Variants in PRDM2 observed in about 807,000 individuals in gnomAD.
PRDM2 encodes PR/SET domain 2.
Under a neutral mutation model 130.0 loss-of-function variants are expected in PRDM2, and 30 were observed. That is an observed-to-expected ratio of 0.23 (90% CI 0.17 to 0.31). The LOEUF (loss-of-function observed/expected upper bound fraction) is 0.31. Among genes scored for constraint, PRDM2 ranks in the 10% least tolerant of loss-of-function variants. The probability of loss-of-function intolerance (pLI) is 1.00; values close to 1 mark genes in which losing one functional copy is unlikely to be tolerated. For synonymous variants in PRDM2, 871 were observed against 782.4 expected (o/e 1.11, Z -1.89); for missense variants, 2,011 against 2,108.4 (o/e 0.95, Z 0.90).
Position 13,821,430 on chromosome 1 carries a change from ACATTTATT to A in PRDM2, c.*24-1728_*24-1721del, listed in dbSNP as rs149048673. On this transcript the variant is annotated intron_variant, in intron 9 of 9. Coordinates refer to ENST00000311066, the MANE Select transcript of PRDM2 (RefSeq NM_001393986.1). ...AGCCCAATTCAACCCAATGCAGTGA[ACATTTATT>A]TATTTATTTATTTATTTATTTATTT... 7.4e-3 allele frequency among the ~76,000 whole-genome samples: 1,053 copies of A among 142,284 alleles called. 20 individuals carry two copies. In the South Asian group the frequency reaches 0.075, roughly 10 times the overall value. 93.3% of individuals were successfully genotyped at this position (142,284 alleles called of 152,430 possible). A position where few individuals can be genotyped will look rare whatever the true frequency, so the allele number is the denominator to read the frequency against.
At chr1:13,778,233 A>T (rs1376672839) in intron 7 of PRDM2, among the ~76,000 whole-genome samples, 185 bp from the exon 8 acceptor site, 2 of 152,232 alleles carry the variant, frequency 1.3e-5, no homozygotes, top group Non-Finnish European at 2.9e-5. Context: ...TTGTTGAATG[A>T]AGTGGATTCA....
chr1:13,763,421 T>C (rs938833144), intron 6 of PRDM2, among the ~76,000 whole-genome samples: 1 of 152,206 alleles, frequency 6.6e-6, no homozygotes. Flanking sequence ...TGGTATCTCT[T>C]GTATTTTTAA....
intron 6 of PRDM2, among the ~76,000 whole-genome samples, chr1:13,749,880 C>T (rs1040516031): frequency 1.3e-5 from 2 of 152,132 alleles, no homozygotes; most frequent in African/African-American, 4.8e-5. Context: ...GGCGCCCGAG[C>T]TTTCTCGCGG....
chr1:13,780,894 C>G lies in PRDM2; in HGVS notation c.3099C>G (p.Pro1033=), dbSNP rs1173490446. ...CAACAGTGTCCCCCTCTCCCTCTCC[C>G]ATTCCTCCCGTGGAGCCCCTGATGT... ...LSPTVSPSPS[P]IPPVEPLMSA... The change falls in exon 8 of 10, where the codon CCC becomes CCG. Residue 1033 remains proline (P), a synonymous_variant. Transcript: ENST00000311066. The G allele has an allele frequency of 6.2e-7, 1 of 1,613,326 alleles. No homozygotes were observed. Among genetic ancestry groups the G allele is most frequent in the Non-Finnish European group, 8.5e-7 (1 of 1,179,546 alleles).
chr1:13,781,180 A>G lies in PRDM2; in HGVS notation c.3385A>G (p.Thr1129Ala), dbSNP rs771018079. The change falls in exon 8 of 10, where the codon ACA becomes GCA. Residue 1129 changes from threonine (T) to alanine (A), a missense_variant. Physicochemically the swap from Thr to Ala is moderately conservative, Grantham distance 58. Coordinates refer to ENST00000311066, the MANE Select transcript of PRDM2 (RefSeq NM_001393986.1). This position sits in a 1 kb window ranked among gnomAD's most constrained non-coding sequence, Gnocchi z 6.1. Reference sequence around the variant, plus strand: ...TGAACAGGATGTTGTTGTTCAGGAAACATTCAACAAAAACTTTGTTTGCAA... The same window carrying G: ...TGAACAGGATGTTGTTGTTCAGGAAGCATTCAACAAAAACTTTGTTTGCAA... ...AAEQDVVVQE[T>A]FNKNFVCNVC... 2 of 1,614,190 alleles carry G rather than the reference A, an allele frequency of 1.2e-6. No homozygotes were observed. The highest frequency in any genetic ancestry group is 1.7e-6 in the Non-Finnish European group (2 of 1,180,042).
chr1:13,733,689 T>C (rs1643180453), intron 4 of PRDM2, among the ~76,000 whole-genome samples: 1 of 152,204 alleles, frequency 6.6e-6, no homozygotes, highest in Non-Finnish European at 1.5e-5. Context: ...AATTTGTCGT[T>C]GTTGCTTTTG....
At chr1:13,760,502 A>T (rs1173026170) in intron 6 of PRDM2, among the ~76,000 whole-genome samples, 1 of 152,174 alleles carries the variant, frequency 6.6e-6, no homozygotes, top group Admixed American at 6.5e-5. Flanking sequence ...AGAGGGGGAA[A>T]GTTGCTGACC....
At chr1:13,732,313 AT>A (rs1643135982) in intron 3 of PRDM2, among the ~76,000 whole-genome samples, 1 of 152,200 alleles carries the variant, frequency 6.6e-6, no homozygotes, top group African/African-American at 2.4e-5. Context: ...CTTCAAAACT[AT>A]TTATTCATAA....
At chr1:13,706,489 G>A (rs952205064) in intron 1 of PRDM2, among the ~76,000 whole-genome samples, 1 of 152,038 alleles carries the variant, frequency 6.6e-6, no homozygotes. Flanking sequence ...TTTCTCCACA[G>A]ACCTTTTGGA....
chr1:13,704,776 T>C (rs1642158499), intron 1 of PRDM2: 1 of 152,232 alleles, frequency 6.6e-6, no homozygotes. Context: ...TAAACCCTTA[T>C]ATACTTCAGT....
In PRDM2 at chr1:13,771,426, A is replaced by G. The variant is rs1488659053; in HGVS notation, c.512-1652A>G. On this transcript the variant is annotated intron_variant, in intron 6 of 9. Coordinates refer to ENST00000311066, the MANE Select transcript of PRDM2 (RefSeq NM_001393986.1). This position sits in a 1 kb window ranked among gnomAD's most constrained non-coding sequence, Gnocchi z 4.1. ...TAGTGGCAAAAACATCGGATTTCCT[A>G]TGGGCTGAAGAATTAGGTATGTAGG... Among the ~76,000 whole-genome samples the G allele has an allele frequency of 2.0e-5, 3 of 152,172 alleles. No homozygotes were observed. The highest frequency in any genetic ancestry group is 1.9e-4 in the East Asian group (1 of 5,192).
chr1:13,749,384 C>A lies in PRDM2; in HGVS notation c.408C>A (p.Leu136=). 6.7e-7 allele frequency: 1 copy of A among 1,496,136 alleles called. No homozygotes were observed. Among genetic ancestry groups the A allele is most frequent in the Non-Finnish European group, 9.0e-7 (1 of 1,108,624 alleles). The allele number at this position is 1,496,136 out of a possible 1,614,324, so 92.7% of individuals were successfully genotyped here. The change falls in exon 6 of 10, where the codon CTC becomes CTA. Residue 136 remains leucine (L), a synonymous_variant. Transcript: ENST00000311066. ...AGCCAATCGCGCCGGGCGAGGAGCT[C>A]CTGGTCTGGTACAATGGGGAAGACA... is the stretch of plus-strand genomic sequence containing the variant. ...TLKPIAPGEE[L]LVWYNGEDNP...
rs561898091 is a variant in PRDM2, at chr1:13,750,848, T to C, written c.511+1361T>C. Among the ~76,000 whole-genome samples, 269 of 152,272 alleles carry C rather than the reference T, an allele frequency of 1.8e-3. 5 individuals carry two copies. The South Asian group carries it at 0.036, about 20-fold the overall frequency. On this transcript the variant is annotated intron_variant, in intron 6 of 9. Transcript: ENST00000311066. ...ATTAGGCTTAGTGCTTAACTGTTTG[T>C]AGTGAAAACTTTTTATGTAATTCAA...
intron 6 of PRDM2, among the ~76,000 whole-genome samples, chr1:13,758,782 AAT>A (rs1644025291): frequency 6.6e-6 from 1 of 152,216 alleles, no homozygotes; most frequent in Non-Finnish European, 1.5e-5. Flanking sequence ...TGAAAGTTTT[AAT>A]AATCTAGTCA....
At chr1:13,758,838 A>G (rs1644027055) in intron 6 of PRDM2, among the ~76,000 whole-genome samples, 1 of 152,152 alleles carries the variant, frequency 6.6e-6, no homozygotes, top group South Asian at 2.1e-4. Flanking sequence ...AGTACATACC[A>G]TTTTTTATTT....
intron 6 of PRDM2, among the ~76,000 whole-genome samples, chr1:13,751,405 C>G (rs1039390667): frequency 3.3e-5 from 5 of 152,030 alleles, no homozygotes; most frequent in Non-Finnish European, 7.4e-5. Context: ...TTAAAGAGAC[C>G]TATTTGCTCT....
At chr1:13,794,401 G>T (rs1035767682) in intron 8 of PRDM2, among the ~76,000 whole-genome samples, 1 of 152,166 alleles carries the variant, frequency 6.6e-6, no homozygotes, top group African/African-American at 2.4e-5. Context: ...TTCTACCCAG[G>T]CAGGAACTTT....
chr1:13,792,416 ATACTT>A (rs1644854627), intron 8 of PRDM2, among the ~76,000 whole-genome samples: 6 of 152,214 alleles, frequency 3.9e-5, no homozygotes, highest in Admixed American at 3.9e-4. Context: ...GGCCCAAAAT[ATACTT>A]TAATTTTTTT....
At position 13,779,239 on chromosome 1, in the gene PRDM2, C is replaced by A. The variant is rs1320198719; in HGVS notation, c.1444C>A (p.Leu482Ile). 1 of 1,614,140 alleles carries A rather than the reference C, an allele frequency of 6.2e-7. No homozygotes were observed. The highest frequency in any genetic ancestry group is 1.6e-4 in the Middle Eastern group (1 of 6,062). ...VVEENGEVKELHPCKYCKKVF... is the reference protein window; with the variant it reads ...VVEENGEVKEIHPCKYCKKVF... The stretch of plus-strand genomic sequence containing the variant: ...AGAAGAGAATGGGGAAGTTAAAGAA[C>A]TTCATCCGTGCAAATATTGTAAAAA... The change falls in exon 8 of 10, where the codon CTT becomes ATT. Residue 482 changes from leucine to isoleucine, a missense_variant. By Grantham distance (5) the Leu-to-Ile change is conservative (BLOSUM62 2). Transcript: ENST00000311066. The surrounding 1 kb of genome is among the most constrained non-coding windows in gnomAD (Gnocchi z 4.9).
Sources: gnomAD v4.1 joint callset for allele counts (sites outside exome capture counted in the v4.1 genomes callset) on GRCh38, gnomAD v4.1.1 for gene constraint, Gnocchi (gnomAD v3.1) non-coding constraint, MANE v1.5 for transcripts, NCBI Gene and HGNC (gene_info 2026-07-23, HGNC 2026-07-21) for gene names.